Variants in PHKA2 observed in about 807,000 individuals in gnomAD.
PHKA2 encodes the protein phosphorylase kinase regulatory subunit alpha 2, also known as phosphorylase b kinase regulatory subunit alpha, liver isoform.
In PHKA2, 31 loss-of-function variants were observed where a neutral mutation model predicts 102.0. The ratio of observed to expected loss-of-function variants is 0.30; its 90% CI spans 0.23 to 0.41. The LOEUF (loss-of-function observed/expected upper bound fraction) is 0.41, where lower values mean the gene tolerates loss of function less well. PHKA2 is among the 10% of genes least tolerant of loss of function. PHKA2 has a pLI of 1.00. For missense variants in PHKA2, 858 were observed against 1,023.1 expected (o/e 0.84, Z 2.20); for synonymous variants, 455 against 416.2 (o/e 1.09, Z -1.13).
chrX:18,907,513 A>G (rs757190772), intron 22 of PHKA2, among the ~76,000 whole-genome samples: 10 of 112,139 alleles, frequency 8.9e-5, no homozygotes, highest in African/African-American at 2.9e-4. Flanking sequence ...TCATCTTACC[A>G]TCATGACACT....
chrX:18,907,833 G>A (rs1356005609), intron 22 of PHKA2, 67 bp downstream of exon 22: 1 of 1,085,879 alleles, frequency 9.2e-7, no homozygotes, highest in East Asian at 3.0e-5. Flanking sequence ...CTGGGAGATT[G>A]GAAGTGGAAG....
At chrX:18,930,940 C>G (rs2147932216) in intron 12 of PHKA2, among the ~76,000 whole-genome samples, 1 of 111,361 alleles carries the variant, frequency 9.0e-6, no homozygotes, top group South Asian at 3.8e-4. Context: ...CTTCCCCTCC[C>G]TGCCTCCCCG....
intron 19 of PHKA2, 134 bp from the exon 20 acceptor site, chrX:18,911,094 C>T (rs12853144): frequency 2.6e-6 from 1 of 379,966 alleles, no homozygotes; most frequent in Non-Finnish European, 4.9e-6. Flanking sequence ...CAACCTTTGC[C>T]TCCCGGGTTC....
intron 13 of PHKA2, 115 bp from the exon 14 acceptor site, chrX:18,926,702 A>G: frequency 1.4e-6 from 1 of 716,439 alleles, no homozygotes; most frequent in Middle Eastern, 2.9e-4. Context: ...ATGCTCTTCC[A>G]TGCAATGACT....
intron 17 of PHKA2, among the ~76,000 whole-genome samples, chrX:18,923,625 G>GA (rs1314471390): frequency 8.9e-6 from 1 of 112,334 alleles, no homozygotes; most frequent in Non-Finnish European, 1.9e-5. Flanking sequence ...GGGCTCTAAG[G>GA]AATTTGCCAA....
At chrX:18,966,371 C>T (rs1205849173) in intron 1 of PHKA2, among the ~76,000 whole-genome samples, 1 of 110,755 alleles carries the variant, frequency 9.0e-6, no homozygotes, top group African/African-American at 3.3e-5. Context: ...AGATTACAGG[C>T]GTGAGCCACC....
chrX:18,982,128 ACTT>A (rs945747913), intron 1 of PHKA2, among the ~76,000 whole-genome samples: 39 of 111,893 alleles, frequency 3.5e-4, no homozygotes, highest in African/African-American at 1.1e-3. Context: ...TTGCCTGCCT[ACTT>A]CTTCTGCTCT....
chrX:18,957,700 C>A (rs1434286598), intron 1 of PHKA2, among the ~76,000 whole-genome samples: 1 of 104,875 alleles, frequency 9.5e-6, no homozygotes, highest in East Asian at 2.9e-4. Flanking sequence ...ATAACAGCCT[C>A]ATATATACAT....
intron 1 of PHKA2, among the ~76,000 whole-genome samples, chrX:18,961,219 T>C: frequency 8.9e-6 from 1 of 112,383 alleles, no homozygotes; most frequent in Non-Finnish European, 1.9e-5. Flanking sequence ...ACCTAATAAA[T>C]AAATAAATGA....
intron 4 of PHKA2, among the ~76,000 whole-genome samples, chrX:18,950,486 A>G (rs1395312009): frequency 8.9e-6 from 1 of 112,378 alleles, no homozygotes; most frequent in East Asian, 2.8e-4. Context: ...TAAGAGAGCC[A>G]GCTCAACGGC....
chrX:18,927,902 G>A (rs1036678747), intron 13 of PHKA2, among the ~76,000 whole-genome samples: 1 of 111,742 alleles, frequency 8.9e-6, no homozygotes, highest in African/African-American at 3.3e-5. Context: ...CAGTGGTTTT[G>A]GGGGAGACCT....
At chrX:18,931,589 C>T in intron 12 of PHKA2, 52 bp downstream of exon 12, 1 of 893,651 alleles carries the variant, frequency 1.1e-6, no homozygotes, top group Non-Finnish European at 1.7e-6. Flanking sequence ...TCTGGGGTTC[C>T]CTGAACCTCC....
At position 18,893,567 on chromosome X, in the gene PHKA2, T is replaced by C; in HGVS notation, c.3626A>G (p.Tyr1209Cys). The C allele has an allele frequency of 8.3e-7, 1 of 1,211,238 alleles. No homozygotes were observed. Among genetic ancestry groups the C allele is most frequent in the Non-Finnish European group, 1.1e-6 (1 of 894,735 alleles). The change falls in exon 33 of 33, where the codon TAT becomes TGT. Residue 1209 changes from tyrosine to cysteine, a missense_variant. Physicochemically the swap from Tyr to Cys is radical, Grantham distance 194. Transcript: ENST00000379942. The part of the protein sequence containing the change: ...FFYDSAPSGA[Y>C]GTMTYLTRAV... ...TCTTGTTAGGTAGGTCATCGTCCCATAAGCCCCACTCGGAGCGCTGTCATA... is the reference window on the plus strand; with the variant it reads ...TCTTGTTAGGTAGGTCATCGTCCCACAAGCCCCACTCGGAGCGCTGTCATA...
rs1399614216 is a variant in PHKA2, at chrX:18,918,844, G to A, written c.1974C>T (p.Asp658=). The change falls in exon 19 of 33, where the codon GAC becomes GAT. Residue 658 remains aspartate, a synonymous_variant. Transcript: ENST00000379942. ...GGTGGTTGATATAATGGTCAAGTTC[G>A]TCTTGGCTTTCTGTAATTGGACAAG... is the stretch of plus-strand genomic sequence containing the variant. ...LEDTCNQESQ[D]ELDHYINHLL... is the part of the protein sequence containing the mutation. The A allele has an allele frequency of 1.9e-5, 23 of 1,208,407 alleles. No homozygotes were observed. In the South Asian group the frequency reaches 2.1e-4, roughly 11 times the overall value.
At position 18,918,837 on chromosome X, in the gene PHKA2, C is replaced by A; in HGVS notation, c.1981G>T (p.Asp661Tyr). The A allele has an allele frequency of 8.3e-7, 1 of 1,210,944 alleles. No individual in the cohort carries two copies. Among genetic ancestry groups the A allele is most frequent in the Non-Finnish European group, 1.1e-6 (1 of 895,042 alleles). The change falls in exon 19 of 33, where the codon GAC becomes TAC. Residue 661 changes from aspartate (D) to tyrosine (Y), a missense_variant. This residue lies in a region of PHKA2 where 671 missense variants were observed against 745.2 expected (regional missense o/e 0.90). Coordinates refer to ENST00000379942, the MANE Select transcript of PHKA2 (RefSeq NM_000292.3). ...TCNQESQDEL[D>Y]HYINHLLQST... ...TGCAGAAGGTGGTTGATATAATGGT[C>A]AAGTTCGTCTTGGCTTTCTGTAATT... is the stretch of plus-strand genomic sequence containing the variant.
chrX:18,922,947 C>A (rs1416265626), intron 17 of PHKA2, among the ~76,000 whole-genome samples: 2 of 110,172 alleles, frequency 1.8e-5, no homozygotes, highest in African/African-American at 6.6e-5. Flanking sequence ...GGCTTCAACT[C>A]CAAAAGTTTT....
rs762222401 is a variant in PHKA2 at position 18,940,084 on chromosome X, A to G, written c.865-36T>C. 7.5e-6 allele frequency: 8 copies of G among 1,066,855 alleles called. No homozygotes were observed. The East Asian group carries it at 2.4e-4, about 32-fold the overall frequency. The allele number at this position is 1,066,855 out of a possible 1,213,427, so 87.9% of individuals were successfully genotyped here. On this transcript the variant is annotated intron_variant, in intron 8 of 32. Transcript: ENST00000379942. ...AAAGTACATTCGATGAGCTCAGAGA[A>G]ATTTTTTTGCCTTTTTAATTCAAGT... is the stretch of plus-strand genomic sequence containing the variant.
At chrX:18,970,595 C>T (rs1022087216) in intron 1 of PHKA2, among the ~76,000 whole-genome samples, 14 of 112,182 alleles carry the variant, frequency 1.2e-4, no homozygotes, top group African/African-American at 4.2e-4. Flanking sequence ...ATAAACAATG[C>T]TTCAACAAAT....
intron 31 of PHKA2, 128 bp downstream of exon 31, chrX:18,895,010 G>A: frequency 6.0e-6 from 4 of 663,229 alleles, no homozygotes; most frequent in Non-Finnish European, 1.0e-5. Flanking sequence ...GGGCTAGACA[G>A]CTCAGAGCTA....
Sources: allele counts gnomAD v4.1 joint callset (sites outside exome capture counted in the v4.1 genomes callset), GRCh38; gene constraint gnomAD v4.1.1; regional missense constraint gnomAD v4.1.1; transcripts MANE v1.5; gene names NCBI Gene and HGNC (gene_info 2026-07-23, HGNC 2026-07-21).